SHROOM3: variants seen among roughly 807,000 people sequenced by gnomAD.
SHROOM3 encodes shroom family member 3, also known as protein Shroom3.
Under a neutral mutation model 138.6 loss-of-function variants are expected in SHROOM3, and 47 were observed. The ratio of observed to expected loss-of-function variants is 0.34; its 90% confidence interval spans 0.27 to 0.43. The LOEUF is 0.43. Ranked by LOEUF, SHROOM3 falls within the 20% of genes least tolerant of loss-of-function variation. The pLI is 1.00. For synonymous variants in SHROOM3, 1,062 were observed against 1,063.3 expected (o/e 1.00, Z 0.02); for missense variants, 2,491 against 2,596.5 (o/e 0.96, Z 0.88).
At chr4:76,505,293 G>A (rs1180187821) in intron 1 of SHROOM3, among the ~76,000 whole-genome samples, 3 of 152,132 alleles carry the variant, frequency 2.0e-5, no homozygotes, top group African/African-American at 4.8e-5. Context: ...GAAGATTAAG[G>A]ATTTAAGGAA....
intron 3 of SHROOM3, among the ~76,000 whole-genome samples, chr4:76,712,233 A>C (rs879379781): frequency 6.6e-6 from 1 of 152,220 alleles, no homozygotes; most frequent in Non-Finnish European, 1.5e-5. Flanking sequence ...GAGATGAGAC[A>C]GATTTGAGAT....
At chr4:76,594,475 G>A (rs1243033544) in intron 2 of SHROOM3, among the ~76,000 whole-genome samples, 1 of 152,180 alleles carries the variant, frequency 6.6e-6, no homozygotes, top group Non-Finnish European at 1.5e-5. Context: ...TCACAGAGAT[G>A]TATGTAATCG....
intron 9 of SHROOM3, among the ~76,000 whole-genome samples, chr4:76,761,928 A>G (rs558151004): frequency 6.6e-6 from 1 of 152,308 alleles, no homozygotes; most frequent in South Asian, 2.1e-4. Flanking sequence ...TATAAAGTGC[A>G]AAACTCCCAA....
At chr4:76,472,899 T>C (rs1255020497) in intron 1 of SHROOM3, among the ~76,000 whole-genome samples, 3 of 152,176 alleles carry the variant, frequency 2.0e-5, no homozygotes, top group Admixed American at 1.3e-4. Context: ...TTCACCATAT[T>C]GGCCAGACTG....
At chr4:76,668,082 A>G (rs1199776061) in intron 2 of SHROOM3, among the ~76,000 whole-genome samples, 1 of 150,544 alleles carries the variant, frequency 6.6e-6, no homozygotes, top group African/African-American at 2.4e-5. Flanking sequence ...CTCCTCCTGC[A>G]GCTCCTGGTG....
chr4:76,596,030 A>T (rs536654134), intron 2 of SHROOM3, among the ~76,000 whole-genome samples: 30 of 152,152 alleles, frequency 2.0e-4, no homozygotes, highest in Non-Finnish European at 3.5e-4. Context: ...ATCCTATTGC[A>T]AAGATAAAAG....
intron 5 of SHROOM3, among the ~76,000 whole-genome samples, chr4:76,746,388 T>C (rs1178219973): frequency 1.3e-5 from 2 of 152,224 alleles, no homozygotes. Flanking sequence ...GATACAAAAA[T>C]ACATACCATT....
At chr4:76,681,594 G>GGTGTGTGTGTGT (rs558707266) in intron 2 of SHROOM3, among the ~76,000 whole-genome samples, 1,385 of 81,010 alleles carry the variant, frequency 0.017, 35 homozygotes, top group Middle Eastern at 0.067. Context: ...CAGAGTCTAG[G>GGTGTGTGTGTGT]GTGTGTGTGT....
chr4:76,729,163 T>G (rs1466381200), intron 3 of SHROOM3, among the ~76,000 whole-genome samples: 1 of 152,182 alleles, frequency 6.6e-6, no homozygotes, highest in East Asian at 1.9e-4. Context: ...CCTTCATTGA[T>G]AAGGAAACTC....
intron 1 of SHROOM3, among the ~76,000 whole-genome samples, chr4:76,456,089 C>T (rs1000161684): frequency 6.6e-6 from 1 of 152,128 alleles, no homozygotes; most frequent in Non-Finnish European, 1.5e-5. Context: ...TCACTGCAAC[C>T]TCTGACTCCC....
chr4:76,549,895 C>T (rs1045010894), intron 1 of SHROOM3, among the ~76,000 whole-genome samples: 2 of 152,118 alleles, frequency 1.3e-5, no homozygotes, highest in Non-Finnish European at 2.9e-5. Context: ...CCCCAGCTGG[C>T]TCAATTCAAG....
intron 1 of SHROOM3, among the ~76,000 whole-genome samples, chr4:76,533,734 G>A (rs1732881368): frequency 6.6e-6 from 1 of 152,138 alleles, no homozygotes; most frequent in Non-Finnish European, 1.5e-5. Flanking sequence ...TCAGCTGTTT[G>A]GATGTAAAAA....
chr4:76,705,577 G>A (rs1424393334), intron 2 of SHROOM3, among the ~76,000 whole-genome samples: 3 of 152,180 alleles, frequency 2.0e-5, no homozygotes, highest in Non-Finnish European at 4.4e-5. Flanking sequence ...GGCAGGCAGA[G>A]CAAATATGAA....
At chr4:76,540,257 G>T (rs2110020241) in intron 1 of SHROOM3, among the ~76,000 whole-genome samples, 1 of 152,290 alleles carries the variant, frequency 6.6e-6, no homozygotes, top group Non-Finnish European at 1.5e-5. Context: ...CCTCCTGCAT[G>T]AGTTTTATTA....
At chr4:76,568,823 C>T (rs528936476) in intron 2 of SHROOM3, among the ~76,000 whole-genome samples, 10 of 152,314 alleles carry the variant, frequency 6.6e-5, no homozygotes, top group South Asian at 4.1e-4. Flanking sequence ...TGCTGTGCAG[C>T]GGTTAGGAGC....
In SHROOM3 at chr4:76,779,506, C is replaced by G. The variant is rs999731908; in HGVS notation, c.*329C>G. The stretch of plus-strand genomic sequence containing the variant: ...GGCAACATGGATCAGTGTGTGTCCC[C>G]CTCAGGAATGTATCCACAGTGGCCT... On this transcript the variant is annotated 3_prime_UTR_variant, in exon 11 of 11. Transcript: ENST00000296043. The G allele has an allele frequency of 1.5e-5, 4 of 258,640 alleles. No homozygotes were observed. The highest frequency in any genetic ancestry group is 9.0e-5 in the African/African-American group (4 of 44,226). 16.0% of individuals were successfully genotyped at this position (258,640 alleles called of 1,614,324 possible). A position where few individuals can be genotyped will look rare whatever the true frequency, so the allele number is the denominator to read the frequency against.
At chr4:76,649,768 A>G (rs1279325374) in intron 2 of SHROOM3, among the ~76,000 whole-genome samples, 1 of 152,188 alleles carries the variant, frequency 6.6e-6, no homozygotes, top group Non-Finnish European at 1.5e-5. Flanking sequence ...GTGGTGGACA[A>G]TTGTTAGGTG....
At chr4:76,705,043 T>A (rs570127527) in intron 2 of SHROOM3, among the ~76,000 whole-genome samples, 2 of 152,340 alleles carry the variant, frequency 1.3e-5, no homozygotes, top group South Asian at 4.1e-4. Flanking sequence ...GTTCCGTGTC[T>A]TTTACTCCAG....
intron 2 of SHROOM3, among the ~76,000 whole-genome samples, chr4:76,674,505 A>G (rs1344902076): frequency 1.1e-5 from 1 of 90,640 alleles, no homozygotes; most frequent in Non-Finnish European, 2.4e-5. Context: ...TGTCAAATTT[A>G]TTTTCTTCTC....
Sources: gnomAD v4.1 joint callset for allele counts (sites outside exome capture counted in the v4.1 genomes callset) on GRCh38, gnomAD v4.1.1 for gene constraint, MANE v1.5 for transcripts, NCBI Gene and HGNC (gene_info 2026-07-23, HGNC 2026-07-21) for gene names.